Variants in FAIM2 observed in about 807,000 individuals in gnomAD.
FAIM2 encodes protein lifeguard 2.
In FAIM2, 27 loss-of-function variants were observed where a neutral mutation model predicts 47.4. The ratio of observed to expected loss-of-function variants is 0.57; its 90% CI spans 0.42 to 0.78. The LOEUF is 0.78. FAIM2 is among the 30% of genes least tolerant of loss of function. FAIM2 has a pLI of 0.00. For missense variants in FAIM2, 311 were observed against 389.4 expected (o/e 0.80, Z 1.69); for synonymous variants, 156 against 159.3 (o/e 0.98, Z 0.16).
At position 49,880,669 on chromosome 12, in the gene FAIM2, CGT is replaced by C. The variant is rs1160943654; in HGVS notation, c.801+6715_801+6716del. On this transcript the variant is annotated intron_variant, in intron 11 of 11. Coordinates refer to ENST00000320634, the MANE Select transcript of FAIM2 (RefSeq NM_012306.4). ...GTGTATCTGTGAGTGCATGTGTGTG[CGT>C]GTCTATATGTGCATGTGTATGCATG... Among the ~76,000 whole-genome samples, 147 of 140,714 alleles carry C rather than the reference CGT, an allele frequency of 1.0e-3. 1 individual carries two copies. The highest frequency in any genetic ancestry group is 3.7e-3 in the African/African-American group (137 of 37,114). 92.3% of individuals were successfully genotyped at this position (140,714 alleles called of 152,430 possible).
chr12:49,883,400 G>C (rs185365231), intron 11 of FAIM2, among the ~76,000 whole-genome samples: 1 of 151,944 alleles, frequency 6.6e-6, no homozygotes, highest in African/African-American at 2.4e-5. Context: ...CGTGATGTAG[G>C]GGGTGAGGAG....
chr12:49,868,126 G>A lies in FAIM2; in HGVS notation c.*2378C>T, dbSNP rs1286564205. The stretch of plus-strand genomic sequence containing the variant: ...GGAGAACTTGGACAAGTAGATTCTA[G>A]GAAGCATGACCAAGGCTATCTGACA... On this transcript the variant is annotated 3_prime_UTR_variant, in exon 12 of 12. Transcript: ENST00000320634. 2 of 152,486 alleles carry A rather than the reference G, an allele frequency of 1.3e-5. No individual in the cohort carries two copies. The highest frequency in any genetic ancestry group is 4.8e-5 in the African/African-American group (2 of 41,444). 9.4% of individuals were successfully genotyped at this position (152,486 alleles called of 1,614,324 possible). A position where few individuals can be genotyped will look rare whatever the true frequency, so the allele number is the denominator to read the frequency against.
At chr12:49,897,655 T>C (rs1471080505) in intron 3 of FAIM2, 72 bp from the exon 4 acceptor site, 2 of 1,151,516 alleles carry the variant, frequency 1.7e-6, no homozygotes, top group African/African-American at 3.0e-5. Flanking sequence ...AGTGACTCAG[T>C]CACCTCTCCA....
In FAIM2 at chr12:49,876,893, T is replaced by C. The variant is rs1370910481; in HGVS notation, c.802-6240A>G. The stretch of plus-strand genomic sequence containing the variant: ...TACAACAGCCTGTGAGACAGGCAGG[T>C]TAGCCCCATTTTAAAGATGAGGCCA... On this transcript the variant is annotated intron_variant, in intron 11 of 11. Transcript: ENST00000320634. Among the ~76,000 whole-genome samples, 8 of 152,232 alleles carry C rather than the reference T, an allele frequency of 5.3e-5. No homozygotes were observed. The East Asian group carries it at 1.2e-3, about 22-fold the overall frequency.
chr12:49,871,855 G>A (rs779367809), intron 11 of FAIM2, among the ~76,000 whole-genome samples: 7 of 151,958 alleles, frequency 4.6e-5, no homozygotes, highest in Admixed American at 6.6e-5. Flanking sequence ...TAGCAGAGAC[G>A]GGTTTTCTCC....
chr12:49,870,770 G>A, intron 11 of FAIM2, 117 bp from the exon 12 acceptor site: 1 of 949,134 alleles, frequency 1.1e-6, no homozygotes, highest in Non-Finnish European at 1.6e-6. Context: ...CTCACCAGCT[G>A]CCTGACTACC....
intron 5 of FAIM2, among the ~76,000 whole-genome samples, chr12:49,891,446 CA>C (rs1946899650): frequency 6.6e-6 from 1 of 152,186 alleles, no homozygotes; most frequent in Non-Finnish European, 1.5e-5. Context: ...ATGTGCTAGG[CA>C]GTTTTAAGTG....
rs571175494 is a variant in FAIM2 at position 49,878,439 on chromosome 12, T to C, written c.802-7786A>G. 8.7e-4 allele frequency among the ~76,000 whole-genome samples: 115 copies of C among 132,304 alleles called. 15 individuals carry two copies. The highest frequency in any genetic ancestry group is 3.1e-3 in the African/African-American group (110 of 34,944). The allele number at this position is 132,304 out of a possible 152,430, so 86.8% of individuals were successfully genotyped here. ...GTATGTGTGTGTATATGTGCAAGTGTGTGTCTGAGTGAATGTGTATGCATG... is the reference window on the plus strand; with the variant it reads ...GTATGTGTGTGTATATGTGCAAGTGCGTGTCTGAGTGAATGTGTATGCATG... On this transcript the variant is annotated intron_variant, in intron 11 of 11. Transcript: ENST00000320634.
At position 49,866,973 on chromosome 12, in the gene FAIM2, G is replaced by C. The variant is rs988764438; in HGVS notation, c.*3531C>G. On this transcript the variant is annotated 3_prime_UTR_variant, in exon 12 of 12. Transcript: ENST00000320634. Reference sequence around the variant, plus strand: ...GAAGGTGAGGTCAGGGAAGGGAACAGGTGCGGACACTGGGGAACTTGCAGG... The same window carrying C: ...GAAGGTGAGGTCAGGGAAGGGAACACGTGCGGACACTGGGGAACTTGCAGG... 1 of 152,336 alleles carries C rather than the reference G, an allele frequency of 6.6e-6. No individual in the cohort carries two copies. Among genetic ancestry groups the C allele is most frequent in the Non-Finnish European group, 1.5e-5 (1 of 68,190 alleles). 9.4% of individuals were successfully genotyped at this position (152,336 alleles called of 1,614,324 possible). A position where few individuals can be genotyped will look rare whatever the true frequency, so the allele number is the denominator to read the frequency against.
chr12:49,893,674 TC>T (rs1393772464), intron 5 of FAIM2, among the ~76,000 whole-genome samples: 3 of 152,170 alleles, frequency 2.0e-5, no homozygotes, highest in Non-Finnish European at 4.4e-5. Flanking sequence ...CTTAACCCTT[TC>T]CTGGTCTTCA....
chr12:49,892,637 G>A (rs1211862110), intron 5 of FAIM2, among the ~76,000 whole-genome samples: 2 of 151,964 alleles, frequency 1.3e-5, no homozygotes, highest in African/African-American at 2.4e-5. Flanking sequence ...ACCACTCCTC[G>A]GTCCCTCCAG....
At chr12:49,892,047 C>G (rs1347776309) in intron 5 of FAIM2, among the ~76,000 whole-genome samples, 1 of 152,128 alleles carries the variant, frequency 6.6e-6, no homozygotes, top group Non-Finnish European at 1.5e-5. Context: ...TTCCTCGGTT[C>G]TCTCACCCAT....
Position 49,870,599 on chromosome 12 carries a change from G to A in FAIM2, c.856C>T (p.Pro286Ser). The A allele has an allele frequency of 1.9e-6, 3 of 1,613,962 alleles. No homozygotes were observed. Among genetic ancestry groups the A allele is most frequent in the Non-Finnish European group, 2.5e-6 (3 of 1,179,880 alleles). The change falls in exon 12 of 12, where the codon CCT becomes TCT. Residue 286 changes from proline (P) to serine (S), a missense_variant. By Grantham distance (74) the Pro-to-Ser change is moderately conservative. Coordinates refer to ENST00000320634, the MANE Select transcript of FAIM2 (RefSeq NM_012306.4). The stretch of plus-strand genomic sequence containing the variant: ...AGGGCTCCAAAAATATACTCCTCAG[G>A]GCTCAGCGAGTGGCGTCGGTTACCC... Reference protein sequence around the residue: ...LMGNRRHSLSPEEYIFGALNI... With the variant: ...LMGNRRHSLSSEEYIFGALNI...
chr12:49,872,805 C>A (rs1266136502), intron 11 of FAIM2, among the ~76,000 whole-genome samples: 1 of 152,146 alleles, frequency 6.6e-6, no homozygotes, highest in African/African-American at 2.4e-5. Flanking sequence ...GCCTGTGAGT[C>A]CCTATGTGTA....
intron 11 of FAIM2, among the ~76,000 whole-genome samples, chr12:49,877,766 GTA>G (rs1217531832): frequency 6.6e-6 from 1 of 152,030 alleles, no homozygotes; most frequent in Non-Finnish European, 1.5e-5. Flanking sequence ...GTGTATGTGC[GTA>G]TGTATATGTG....
rs576147555 is a variant in FAIM2, at chr12:49,887,085, G to T, written c.801+301C>A. ...AGGATACCCCCACTCTCTCGCCCCC[G>T]CAAGCACCGCTGCCCCTCCCCTGGA... On this transcript the variant is annotated intron_variant, in intron 11 of 11. Coordinates refer to ENST00000320634, the MANE Select transcript of FAIM2 (RefSeq NM_012306.4). 3.9e-5 allele frequency among the ~76,000 whole-genome samples: 6 copies of T among 152,050 alleles called. No individual in the cohort carries two copies. In the South Asian group the frequency reaches 1.2e-3, roughly 32 times the overall value.
intron 5 of FAIM2, among the ~76,000 whole-genome samples, 177 bp downstream of exon 5, chr12:49,896,854 T>C (rs1337329008): frequency 6.6e-6 from 1 of 152,090 alleles, no homozygotes. Flanking sequence ...GAAAGGTGCT[T>C]CTGGCCATGC....
At chr12:49,880,726 G>GTGTA (rs149463299) in intron 11 of FAIM2, among the ~76,000 whole-genome samples, 95,238 of 150,796 alleles carry the variant, frequency 0.63, 30,279 homozygotes, top group South Asian at 0.72. Flanking sequence ...GCGTGTATAT[G>GTGTA]TGTGTGTGTA....
At chr12:49,879,439 TG>T (rs1457533143) in intron 11 of FAIM2, among the ~76,000 whole-genome samples, 1 of 139,412 alleles carries the variant, frequency 7.2e-6, no homozygotes, top group Non-Finnish European at 1.5e-5. Context: ...TATGTGCATG[TG>T]TATATGTGTG....
Sources: allele counts gnomAD v4.1 joint callset (sites outside exome capture counted in the v4.1 genomes callset), GRCh38; gene constraint gnomAD v4.1.1; transcripts MANE v1.5; gene names NCBI Gene and HGNC (gene_info 2026-07-23, HGNC 2026-07-21).